TAOK3: variants seen among roughly 807,000 people sequenced by gnomAD.
The protein encoded by TAOK3 is serine/threonine-protein kinase TAO3.
TAOK3 carries 40 observed loss-of-function variants against 120.4 expected under a neutral mutation model. The ratio of observed to expected loss-of-function variants is 0.33; its 90% CI spans 0.26 to 0.43. TAOK3 has a LOEUF of 0.43. TAOK3 is among the 20% of genes least tolerant of loss of function. The pLI, the probability that TAOK3 is intolerant of heterozygous loss-of-function variation, is 1.00. For missense variants in TAOK3, 821 were observed against 1,112.1 expected, an observed-to-expected ratio of 0.74 and a Z score of 3.72; for synonymous variants, 355 against 387.5, an observed-to-expected ratio of 0.92 and a Z score of 0.99.
rs764025484 is a variant in TAOK3 at position 118,238,043 on chromosome 12, A to G, written c.437+30T>C. 6.2e-6 allele frequency: 9 copies of G among 1,448,328 alleles called. No homozygotes were observed. In the Admixed American group the frequency reaches 1.7e-4, roughly 27 times the overall value. The allele number at this position is 1,448,328 out of a possible 1,614,324, so 89.7% of individuals were successfully genotyped here. A position where few individuals can be genotyped will look rare whatever the true frequency, so the allele number is the denominator to read the frequency against. ...CCTGGAATAGACAGTCCTGCAACTG[A>G]AAAGAAACATAACTGGTCTCTAATC... is the stretch of plus-strand genomic sequence containing the variant. On this transcript the variant is annotated intron_variant, in intron 7 of 20. Coordinates refer to ENST00000392533, the MANE Select transcript of TAOK3 (RefSeq NM_016281.4).
intron 1 of TAOK3, among the ~76,000 whole-genome samples, chr12:118,277,211 A>T (rs928453986): frequency 6.6e-6 from 1 of 152,176 alleles, no homozygotes; most frequent in Non-Finnish European, 1.5e-5. Flanking sequence ...TCACCATTAG[A>T]CCACGTTTCT....
At chr12:118,203,431 C>T (rs935336109) in intron 11 of TAOK3, among the ~76,000 whole-genome samples, 32 of 152,100 alleles carry the variant, frequency 2.1e-4, no homozygotes, top group African/African-American at 7.2e-4. Flanking sequence ...GTAAGCCTGG[C>T]GCGGTGGCTC....
At chr12:118,151,289 G>GCGCGCACACACA (rs1214641528) in intron 20 of TAOK3, 131 bp from the exon 21 acceptor site, 10 of 253,070 alleles carry the variant, frequency 4.0e-5, no homozygotes, top group African/African-American at 3.6e-4. Flanking sequence ...GCGCGCGCGC[G>GCGCGCACACACA]CACACACACA....
intron 3 of TAOK3, among the ~76,000 whole-genome samples, chr12:118,245,367 T>G (rs1217532133): frequency 6.6e-6 from 1 of 151,534 alleles, no homozygotes; most frequent in Non-Finnish European, 1.5e-5. Context: ...CATGCTGGAG[T>G]GCACTGGGGC....
chr12:118,368,742 G>A (rs1228408809), intron 1 of TAOK3, among the ~76,000 whole-genome samples: 1 of 150,138 alleles, frequency 6.7e-6, no homozygotes, highest in Non-Finnish European at 1.5e-5. Context: ...GGAGGCGGAG[G>A]TTGCAGTGAG....
At chr12:118,158,471 C>G (rs966191463) in intron 19 of TAOK3, among the ~76,000 whole-genome samples, 10 of 152,214 alleles carry the variant, frequency 6.6e-5, no homozygotes, top group African/African-American at 2.4e-4. Flanking sequence ...TTGCAGGCAT[C>G]CAAACTCACT....
At chr12:118,229,705 G>C (rs2139780056) in intron 9 of TAOK3, among the ~76,000 whole-genome samples, 1 of 152,248 alleles carries the variant, frequency 6.6e-6, no homozygotes, top group Non-Finnish European at 1.5e-5. Context: ...GCTGAGGCGG[G>C]TGGATCACAA....
chr12:118,257,615 A>G (rs2041045665), intron 2 of TAOK3, among the ~76,000 whole-genome samples: 1 of 152,146 alleles, frequency 6.6e-6, no homozygotes, highest in Admixed American at 6.5e-5. Context: ...GTTATTGGCC[A>G]ATAAAACTAT....
At chr12:118,280,224 C>G (rs1187066745) in intron 1 of TAOK3, among the ~76,000 whole-genome samples, 1 of 152,072 alleles carries the variant, frequency 6.6e-6, no homozygotes, top group African/African-American at 2.4e-5. Context: ...CTACGCCCAG[C>G]TAATTTTTGT....
intron 14 of TAOK3, among the ~76,000 whole-genome samples, chr12:118,186,871 T>A (rs1445064953): frequency 6.6e-6 from 1 of 152,310 alleles, no homozygotes; most frequent in South Asian, 2.1e-4. Context: ...ATCTCAGTTA[T>A]AAGGTGCCAA....
At position 118,199,229 on chromosome 12, in the gene TAOK3, C is replaced by G; in HGVS notation, c.1016G>C (p.Arg339Thr). The G allele has an allele frequency of 6.2e-6, 10 of 1,614,116 alleles. No individual in the cohort carries two copies. The highest frequency in any genetic ancestry group is 8.5e-6 in the Non-Finnish European group (10 of 1,180,010). The change falls in exon 13 of 21, where the codon AGG (arginine) becomes ACG (threonine). Residue 339 changes from arginine (R) to threonine (T), a missense_variant. This residue lies in a region of TAOK3 where 467 missense variants were observed against 540.0 expected (regional missense o/e 0.86). Coordinates refer to ENST00000392533, the MANE Select transcript of TAOK3 (RefSeq NM_016281.4). The stretch of plus-strand genomic sequence containing the variant: ...GTTGCTGCCCAGGCTGTCCATTTCC[C>G]TGTTCAGGCTGGTTCCATGTTCACT... ...EDSEHGTSLN[R>T]EMDSLGSNHS...
chr12:118,327,809 C>T (rs952580843), intron 1 of TAOK3, among the ~76,000 whole-genome samples: 11 of 152,146 alleles, frequency 7.2e-5, no homozygotes, highest in African/African-American at 2.2e-4. Context: ...GAAAGGTCCA[C>T]TTGCTCTGTA....
chr12:118,272,305 A>AAAAAAAAG (rs1357620101), intron 1 of TAOK3, among the ~76,000 whole-genome samples: 1 of 148,742 alleles, frequency 6.7e-6, no homozygotes, highest in Admixed American at 7.0e-5. Context: ...AAAAAAAAAA[A>AAAAAAAAG]AAAGAAAGAA....
intron 13 of TAOK3, 185 bp from the exon 14 acceptor site, chr12:118,190,126 A>G (rs1249097264): frequency 1.5e-6 from 1 of 664,538 alleles, no homozygotes; most frequent in African/African-American, 1.8e-5. Flanking sequence ...TCAGTTAGGA[A>G]TGTCAGCTGA....
At chr12:118,180,839 A>G (rs558342871) in intron 15 of TAOK3, among the ~76,000 whole-genome samples, 5 of 151,656 alleles carry the variant, frequency 3.3e-5, no homozygotes, top group Non-Finnish European at 7.4e-5. Context: ...CAGAATATAC[A>G]TAAGTATAAT....
At chr12:118,360,674 A>G (rs1392816279) in intron 1 of TAOK3, among the ~76,000 whole-genome samples, 1 of 152,238 alleles carries the variant, frequency 6.6e-6, no homozygotes, top group African/African-American at 2.4e-5. Context: ...AATAATGAAC[A>G]AAATAAAGTC....
chr12:118,160,589 G>T lies in TAOK3; in HGVS notation c.2140-231C>A, dbSNP rs377040472. 6.6e-6 allele frequency among the ~76,000 whole-genome samples: 1 copy of T among 152,054 alleles called. No individual in the cohort carries two copies. The highest frequency in any genetic ancestry group is 1.5e-5 in the Non-Finnish European group (1 of 68,022). On this transcript the variant is annotated intron_variant, in intron 18 of 20. Coordinates refer to ENST00000392533, the MANE Select transcript of TAOK3 (RefSeq NM_016281.4). The surrounding 1 kb of genome is among the most constrained non-coding windows in gnomAD (Gnocchi z 4.2). The stretch of plus-strand genomic sequence containing the variant: ...TAAGTAATTTTGAATTTACAAATGG[G>T]GTCAAAGAAAATATGGACTGTTACA...
chr12:118,155,629 T>G (rs1186974641), intron 19 of TAOK3, among the ~76,000 whole-genome samples: 3 of 152,222 alleles, frequency 2.0e-5, no homozygotes, highest in Non-Finnish European at 4.4e-5. Flanking sequence ...TAAAGGATGC[T>G]GTAATGATCA....
chr12:118,276,496 T>A (rs2041907915), intron 1 of TAOK3, among the ~76,000 whole-genome samples: 2 of 150,734 alleles, frequency 1.3e-5, no homozygotes. Context: ...GGTCAGGAGA[T>A]CAAGACCAAC....
Sources: allele counts gnomAD v4.1 joint callset (sites outside exome capture counted in the v4.1 genomes callset), GRCh38; gene constraint gnomAD v4.1.1; regional missense constraint gnomAD v4.1.1; non-coding constraint Gnocchi (gnomAD v3.1); transcripts MANE v1.5; gene names NCBI Gene and HGNC (gene_info 2026-07-23, HGNC 2026-07-21).